Variants in SSBP2 observed in about 807,000 individuals in gnomAD.
SSBP2 encodes single stranded DNA binding protein 2, also known as single-stranded DNA-binding protein 2.
A neutral mutation model predicts 61.8 loss-of-function variants in SSBP2; 17 were observed. The ratio of observed to expected loss-of-function variants is 0.28; its 90% confidence interval spans 0.19 to 0.41. The LOEUF (loss-of-function observed/expected upper bound fraction) is 0.41, where lower values mean the gene tolerates loss of function less well. Ranked by LOEUF, SSBP2 falls within the 10% of genes least tolerant of loss-of-function variation. SSBP2 has a pLI of 1.00. For missense variants in SSBP2, 310 were observed against 458.7 expected (o/e 0.68, Z 2.96); for synonymous variants, 139 against 141.3 (o/e 0.98, Z 0.12).
chr5:81,534,427 A>C (rs1037358134), intron 4 of SSBP2, among the ~76,000 whole-genome samples: 11 of 152,150 alleles, frequency 7.2e-5, no homozygotes, highest in Non-Finnish European at 1.3e-4. Flanking sequence ...GGAATTTAAA[A>C]CAACTATGAT....
At chr5:81,696,914 T>C (rs536332130) in intron 1 of SSBP2, among the ~76,000 whole-genome samples, 6 of 152,240 alleles carry the variant, frequency 3.9e-5, no homozygotes, top group East Asian at 3.9e-4. Flanking sequence ...ACTTGACAAA[T>C]ACCTGTGGAA....
At chr5:81,472,651 G>T (rs996131353) in intron 8 of SSBP2, among the ~76,000 whole-genome samples, 3 of 152,008 alleles carry the variant, frequency 2.0e-5, no homozygotes, top group Admixed American at 1.3e-4. Flanking sequence ...CCAGGCTGGA[G>T]TGCAATGGCG....
At chr5:81,425,731 A>G (rs1561381316) in intron 16 of SSBP2, among the ~76,000 whole-genome samples, 1 of 152,172 alleles carries the variant, frequency 6.6e-6, no homozygotes, top group Non-Finnish European at 1.5e-5. Flanking sequence ...CTTAAAAAAA[A>G]AAAACCTCAG....
intron 5 of SSBP2, among the ~76,000 whole-genome samples, chr5:81,493,518 G>A (rs977199154): frequency 2.0e-5 from 3 of 152,162 alleles, no homozygotes; most frequent in Non-Finnish European, 4.4e-5. Flanking sequence ...CACTTTGGGA[G>A]GCCAAGGTGG....
chr5:81,539,916 C>T (rs181479712), intron 4 of SSBP2, among the ~76,000 whole-genome samples: 15 of 152,240 alleles, frequency 9.9e-5, no homozygotes, highest in African/African-American at 2.6e-4. Context: ...CGACAGGCCC[C>T]GGTGTGTGAT....
At chr5:81,518,651 G>T (rs1226533214) in intron 4 of SSBP2, among the ~76,000 whole-genome samples, 1 of 152,000 alleles carries the variant, frequency 6.6e-6, no homozygotes, top group Non-Finnish European at 1.5e-5. Flanking sequence ...CCATCTGTAG[G>T]TACTTTATGA....
intron 10 of SSBP2, among the ~76,000 whole-genome samples, chr5:81,453,330 T>C (rs775561572): frequency 6.7e-6 from 1 of 150,140 alleles, no homozygotes; most frequent in Non-Finnish European, 1.5e-5. Context: ...AAAAAAGAGA[T>C]AGAGAAAGAA....
chr5:81,577,999 T>C (rs1055401316), intron 4 of SSBP2, among the ~76,000 whole-genome samples: 6 of 151,994 alleles, frequency 3.9e-5, no homozygotes, highest in African/African-American at 1.2e-4. Flanking sequence ...CCACATTTTA[T>C]AGAATAAAAA....
chr5:81,611,678 C>CAGA (rs554930152), intron 4 of SSBP2, among the ~76,000 whole-genome samples: 170 of 152,058 alleles, frequency 1.1e-3, no homozygotes, highest in African/African-American at 4.0e-3. Flanking sequence ...TCACATTTAC[C>CAGA]AGAAACTGGA....
intron 4 of SSBP2, among the ~76,000 whole-genome samples, chr5:81,583,971 A>G (rs1429019477): frequency 6.6e-6 from 1 of 152,236 alleles, no homozygotes; most frequent in Admixed American, 6.5e-5. Flanking sequence ...CAATGATTAT[A>G]TTACAACAGT....
chr5:81,467,939 T>A (rs1192945267), intron 8 of SSBP2, among the ~76,000 whole-genome samples: 2 of 151,886 alleles, frequency 1.3e-5, no homozygotes, highest in East Asian at 3.8e-4. Flanking sequence ...TCTGCCACCA[T>A]TTGTTCAACA....
intron 1 of SSBP2, among the ~76,000 whole-genome samples, chr5:81,688,574 CTGTT>C (rs1434102696): frequency 5.3e-5 from 8 of 152,298 alleles, no homozygotes; most frequent in East Asian, 3.9e-4. Context: ...GACAGAAAGA[CTGTT>C]TGTTTGGAAG....
intron 1 of SSBP2, among the ~76,000 whole-genome samples, chr5:81,661,033 G>A (rs1163869239): frequency 1.3e-5 from 2 of 152,202 alleles, no homozygotes; most frequent in East Asian, 3.9e-4. Flanking sequence ...GGGAGGGAGA[G>A]CATTAGGACT....
intron 9 of SSBP2, 111 bp downstream of exon 9, chr5:81,466,863 T>C (rs758062261): frequency 1.5e-5 from 9 of 613,648 alleles, no homozygotes; most frequent in Non-Finnish European, 2.3e-5. Flanking sequence ...ATTAACGTCA[T>C]TTTAGAGGCC....
At chr5:81,467,559 TA>T (rs926311280) in intron 8 of SSBP2, among the ~76,000 whole-genome samples, 1 of 151,962 alleles carries the variant, frequency 6.6e-6, no homozygotes, top group Non-Finnish European at 1.5e-5. Flanking sequence ...ACAAAAAGTA[TA>T]AAAACTAATG....
At chr5:81,639,038 T>G (rs1180406991) in intron 2 of SSBP2, among the ~76,000 whole-genome samples, 1 of 152,150 alleles carries the variant, frequency 6.6e-6, no homozygotes, top group African/African-American at 2.4e-5. Context: ...TTTCAGGATC[T>G]TAAGGCACAA....
At chr5:81,724,403 CAATTTTTTAAAAGGGGGAGG>C (rs1368088385) in intron 1 of SSBP2, among the ~76,000 whole-genome samples, 1 of 151,828 alleles carries the variant, frequency 6.6e-6, no homozygotes, top group Non-Finnish European at 1.5e-5. Flanking sequence ...GTTGCTAAGT[CAATTTTTTAAAAGGGGGAGG>C]ACTTGCCCTA....
At chr5:81,588,206 G>A (rs570305651) in intron 4 of SSBP2, among the ~76,000 whole-genome samples, 2 of 152,110 alleles carry the variant, frequency 1.3e-5, no homozygotes, top group South Asian at 2.1e-4. Context: ...GCCTCCCAAA[G>A]TGCTGGGATT....
chr5:81,481,706 A>G (rs1002049798), intron 6 of SSBP2, among the ~76,000 whole-genome samples: 6 of 150,934 alleles, frequency 4.0e-5, no homozygotes, highest in Admixed American at 1.3e-4. Flanking sequence ...ATACCCAAGA[A>G]CTCTGATGCA....
Sources: allele counts gnomAD v4.1 joint callset (sites outside exome capture counted in the v4.1 genomes callset), GRCh38; gene constraint gnomAD v4.1.1; transcripts MANE v1.5; gene names NCBI Gene and HGNC (gene_info 2026-07-23, HGNC 2026-07-21).